The following SPEF2 variants were observed in gnomAD, a reference collection of about 807,000 sequenced individuals.
SPEF2 encodes sperm flagella and cilia-associated protein 2.
Under a neutral mutation model 224.6 loss-of-function variants are expected in SPEF2, and 187 were observed. The observed-to-expected ratio is 0.83, with a 90% confidence interval of 0.74 to 0.94. SPEF2 has a LOEUF of 0.94. SPEF2 is among the 40% of genes least tolerant of loss of function. The probability of loss-of-function intolerance (pLI) is 0.00; values close to 1 mark genes in which losing one functional copy is unlikely to be tolerated. For missense variants in SPEF2, 2,170 were observed against 2,135.6 expected (o/e 1.02, Z -0.32); for synonymous variants, 715 against 707.3 (o/e 1.01, Z -0.17).
intron 1 of SPEF2, among the ~76,000 whole-genome samples, chr5:35,621,372 G>A (rs570505419): frequency 2.9e-4 from 41 of 141,706 alleles, no homozygotes; most frequent in African/African-American, 1.2e-3. Flanking sequence ...TGCCCTGGAT[G>A]TTCAGGTGAG....
intron 34 of SPEF2, among the ~76,000 whole-genome samples, chr5:35,805,153 A>T (rs1489758249): frequency 2.0e-5 from 3 of 152,150 alleles, no homozygotes; most frequent in Admixed American, 6.6e-5. Flanking sequence ...ATAAATATGT[A>T]TATTTGATTC....
At chr5:35,746,436 G>T (rs1218465828) in intron 23 of SPEF2, among the ~76,000 whole-genome samples, 1 of 152,106 alleles carries the variant, frequency 6.6e-6, no homozygotes, top group Non-Finnish European at 1.5e-5. Flanking sequence ...AAGGAGTGAA[G>T]GGAGAAATAT....
At chr5:35,772,206 A>C (rs1454523841) in intron 27 of SPEF2, among the ~76,000 whole-genome samples, 1 of 152,206 alleles carries the variant, frequency 6.6e-6, no homozygotes, top group East Asian at 1.9e-4. Flanking sequence ...AAGAGTTCAG[A>C]AAATACGTCT....
At chr5:35,682,547 C>T (rs935352376) in intron 10 of SPEF2, among the ~76,000 whole-genome samples, 1 of 152,296 alleles carries the variant, frequency 6.6e-6, no homozygotes, top group East Asian at 1.9e-4. Flanking sequence ...TCAGGCCATG[C>T]AGATGTTGGG....
intron 26 of SPEF2, among the ~76,000 whole-genome samples, chr5:35,767,572 G>C (rs868642406): frequency 6.6e-6 from 1 of 151,712 alleles, no homozygotes; most frequent in African/African-American, 2.4e-5. Flanking sequence ...TAACATGGGG[G>C]GAAGATGAAA....
At chr5:35,808,792 G>A in intron 36 of SPEF2, among the ~76,000 whole-genome samples, 1 of 143,848 alleles carries the variant, frequency 7.0e-6, no homozygotes, top group Non-Finnish European at 1.5e-5. Context: ...ATGTATATAT[G>A]TATATATGTA....
chr5:35,753,482 C>T, intron 23 of SPEF2, 142 bp from the exon 24 acceptor site: 1 of 1,046,536 alleles, frequency 9.6e-7, no homozygotes. Flanking sequence ...GTTGAATGAG[C>T]ACATACAATA....
Position 35,726,487 on chromosome 5 carries a change from A to T in SPEF2, c.2915-1188A>T, listed in dbSNP as rs535719017. 2.2e-4 allele frequency among the ~76,000 whole-genome samples: 33 copies of T among 152,272 alleles called. 1 individual carries two copies. In the South Asian group the frequency reaches 6.8e-3, roughly 32 times the overall value. On this transcript the variant is annotated intron_variant, in intron 20 of 36. Coordinates refer to ENST00000356031, the MANE Select transcript of SPEF2 (RefSeq NM_024867.4). ...TTTTTCTAAATTTTATATAATTTAGATATAACTTCAGATCTATAGATAATA... is the reference window on the plus strand; with the variant it reads ...TTTTTCTAAATTTTATATAATTTAGTTATAACTTCAGATCTATAGATAATA...
rs752930592 is a variant in SPEF2 at position 35,762,141 on chromosome 5, ATATTTGTAT to A, written c.3621-1376_3621-1368del. On this transcript the variant is annotated intron_variant, in intron 25 of 36. Coordinates refer to ENST00000356031, the MANE Select transcript of SPEF2 (RefSeq NM_024867.4). ...ATGAATACTTATCATAATAATTATT[ATATTTGTAT>A]TATTCCAAGAGGAACTGAACCTCAT... Among the ~76,000 whole-genome samples, 8 of 152,306 alleles carry A rather than the reference ATATTTGTAT, an allele frequency of 5.3e-5. No homozygotes were observed. In the Middle Eastern group the frequency reaches 0.01, roughly 194 times the overall value.
chr5:35,672,265 TTATAA>T (rs1751300983), intron 10 of SPEF2, among the ~76,000 whole-genome samples: 1 of 12,556 alleles, frequency 8.0e-5, no homozygotes, highest in African/African-American at 3.5e-4. Flanking sequence ...ATAATGTTCA[TTATAA>T]TGTTATTGAA....
chr5:35,768,962 T>G (rs1276831279), intron 26 of SPEF2, among the ~76,000 whole-genome samples: 5 of 152,132 alleles, frequency 3.3e-5, no homozygotes, highest in African/African-American at 1.2e-4. Context: ...TTCTAATTAG[T>G]GGGTATGCAG....
intron 14 of SPEF2, 74 bp from the exon 15 acceptor site, chr5:35,697,616 A>T: frequency 1.6e-6 from 2 of 1,222,942 alleles, no homozygotes; most frequent in Admixed American, 1.9e-5. Context: ...TCATTTAATT[A>T]ACTTTTCCTC....
chr5:35,678,973 T>A (rs1018696873), intron 10 of SPEF2, among the ~76,000 whole-genome samples: 1 of 152,146 alleles, frequency 6.6e-6, no homozygotes, highest in Non-Finnish European at 1.5e-5. Flanking sequence ...TGAATAAAAT[T>A]TAGGCAGTTC....
chr5:35,676,383 A>G (rs540327953), intron 10 of SPEF2, among the ~76,000 whole-genome samples: 16 of 152,252 alleles, frequency 1.1e-4, no homozygotes, highest in African/African-American at 2.4e-4. Context: ...CATTCAATCA[A>G]TTCCTCGGAA....
chr5:35,711,396 A>T (rs1292243310), intron 19 of SPEF2, among the ~76,000 whole-genome samples: 1 of 152,058 alleles, frequency 6.6e-6, no homozygotes, highest in African/African-American at 2.4e-5. Context: ...TCAGTTCCAT[A>T]TTTTATATCT....
intron 10 of SPEF2, among the ~76,000 whole-genome samples, chr5:35,689,756 A>G (rs1336430819): frequency 2.0e-5 from 3 of 152,144 alleles, no homozygotes; most frequent in African/African-American, 7.2e-5. Context: ...TCCACCCTTC[A>G]TGGGCACTTG....
Position 35,806,657 on chromosome 5 carries a change from G to T in SPEF2, c.5011-50G>T, listed in dbSNP as rs1758099182. 2.5e-6 allele frequency: 4 copies of T among 1,572,144 alleles called. No homozygotes were observed. In the African/African-American group the frequency reaches 5.5e-5, roughly 22 times the overall value. ...TGGTATATTCTAAAAGTCTCCATTGGTGGAAAAAACTTCAGTTTAACTTCA... is the reference window on the plus strand; with the variant it reads ...TGGTATATTCTAAAAGTCTCCATTGTTGGAAAAAACTTCAGTTTAACTTCA... On this transcript the variant is annotated intron_variant, in intron 34 of 36. Transcript: ENST00000356031.
intron 14 of SPEF2, among the ~76,000 whole-genome samples, chr5:35,696,676 G>A (rs1280588713): frequency 6.6e-6 from 1 of 152,116 alleles, no homozygotes; most frequent in East Asian, 1.9e-4. Flanking sequence ...AATGGAGAGA[G>A]ACATAATAAA....
chr5:35,678,122 G>A (rs1195821394), intron 10 of SPEF2, among the ~76,000 whole-genome samples: 1 of 152,190 alleles, frequency 6.6e-6, no homozygotes, highest in Non-Finnish European at 1.5e-5. Flanking sequence ...ACTGCCCTGG[G>A]TCTTCTTTTG....
Sources: allele counts gnomAD v4.1 joint callset (sites outside exome capture counted in the v4.1 genomes callset), GRCh38; gene constraint gnomAD v4.1.1; transcripts MANE v1.5; gene names NCBI Gene and HGNC (gene_info 2026-07-23, HGNC 2026-07-21).